RABGAP1L: variants seen among roughly 807,000 people sequenced by gnomAD.
RABGAP1L encodes the protein rab GTPase-activating protein 1-like.
Under a neutral mutation model 137.7 loss-of-function variants are expected in RABGAP1L, and 63 were observed. That is an observed-to-expected ratio of 0.46 (90% CI 0.37 to 0.56). RABGAP1L has a LOEUF of 0.56. RABGAP1L is among the 20% of genes least tolerant of loss of function. The probability of loss-of-function intolerance (pLI) is 0.00; values close to 1 mark genes in which losing one functional copy is unlikely to be tolerated. For synonymous variants in RABGAP1L, 431 were observed against 433.7 expected, an observed-to-expected ratio of 0.99 and a Z score of 0.08; for missense variants, 1,095 against 1,244.0, an observed-to-expected ratio of 0.88 and a Z score of 1.80.
At chr1:174,278,464 A>T (rs1358178779) in intron 9 of RABGAP1L, 149 bp from the exon 10 acceptor site, 1 of 604,060 alleles carries the variant, frequency 1.7e-6, no homozygotes, top group Non-Finnish European at 2.8e-6. Flanking sequence ...ATACTTATTT[A>T]ATCAAAATGT....
At chr1:174,251,346 C>T (rs1461141657) in intron 6 of RABGAP1L, among the ~76,000 whole-genome samples, 2 of 151,644 alleles carry the variant, frequency 1.3e-5, no homozygotes, top group South Asian at 2.1e-4. Flanking sequence ...GGTTTGACCA[C>T]CACTTAATTA....
intron 19 of RABGAP1L, among the ~76,000 whole-genome samples, chr1:174,838,646 T>C (rs376100022): frequency 7.2e-5 from 11 of 152,106 alleles, no homozygotes; most frequent in African/African-American, 2.4e-4. Context: ...AAAAATGACA[T>C]GGGCCGGGCG....
Position 174,240,126 on chromosome 1 carries a change from C to T in RABGAP1L, c.543-1357C>T, listed in dbSNP as rs186023320. 2.5e-3 allele frequency among the ~76,000 whole-genome samples: 381 copies of T among 152,346 alleles called. 3 individuals carry two copies. The highest frequency in any genetic ancestry group is 8.7e-3 in the African/African-American group (361 of 41,578). On this transcript the variant is annotated intron_variant, in intron 4 of 25. Transcript: ENST00000681986. ...AGAGATTTAGTGTTTTGACTTGCCT[C>T]TTTATTCCTGGGGTTGTCCCCTTAC... is the stretch of plus-strand genomic sequence containing the variant.
intron 19 of RABGAP1L, among the ~76,000 whole-genome samples, chr1:174,940,163 A>C (rs1665619199): frequency 6.6e-6 from 1 of 151,880 alleles, no homozygotes; most frequent in Non-Finnish European, 1.5e-5. Context: ...TTCCCTTTCT[A>C]CTGTCACCTT....
intron 18 of RABGAP1L, among the ~76,000 whole-genome samples, chr1:174,777,066 G>T (rs1249226685): frequency 2.0e-5 from 3 of 152,058 alleles, no homozygotes; most frequent in Admixed American, 6.5e-5. Context: ...TGCAATATTG[G>T]TTTTTTCACC....
intron 12 of RABGAP1L, among the ~76,000 whole-genome samples, chr1:174,387,215 A>G (rs963447183): frequency 6.6e-6 from 1 of 152,196 alleles, no homozygotes; most frequent in Admixed American, 6.5e-5. Context: ...TTTTCCTGTA[A>G]AACAAGTCAC....
At chr1:174,635,314 C>T (rs548546114) in intron 13 of RABGAP1L, among the ~76,000 whole-genome samples, 7 of 152,134 alleles carry the variant, frequency 4.6e-5, no homozygotes, top group African/African-American at 7.2e-5. Context: ...AATATTTCAG[C>T]AATGGCAGTA....
At chr1:174,710,793 AT>A (rs539437052) in intron 17 of RABGAP1L, among the ~76,000 whole-genome samples, 7 of 152,378 alleles carry the variant, frequency 4.6e-5, no homozygotes, top group African/African-American at 1.4e-4. Flanking sequence ...CTAGCATCAT[AT>A]GACAGTATCA....
chr1:174,278,553 T>TGAAAAGTA, intron 9 of RABGAP1L, 60 bp from the exon 10 acceptor site: 1 of 1,355,140 alleles, frequency 7.4e-7, no homozygotes, highest in Admixed American at 2.2e-5. Flanking sequence ...GAGGAAACTT[T>TGAAAAGTA]GTTTAAAGTA....
At chr1:174,358,231 A>G (rs1473132962) in intron 11 of RABGAP1L, among the ~76,000 whole-genome samples, 1 of 152,212 alleles carries the variant, frequency 6.6e-6, no homozygotes, top group African/African-American at 2.4e-5. Context: ...TTCAGAGAAC[A>G]AAGAGAAGGT....
intron 17 of RABGAP1L, among the ~76,000 whole-genome samples, chr1:174,716,526 T>C (rs995805308): frequency 6.6e-6 from 1 of 152,202 alleles, no homozygotes; most frequent in African/African-American, 2.4e-5. Flanking sequence ...AAACATACAA[T>C]ATTTAGCTAC....
At chr1:174,403,208 A>AGAGTGTGT (rs1342365552) in intron 13 of RABGAP1L, among the ~76,000 whole-genome samples, 2 of 126,676 alleles carry the variant, frequency 1.6e-5, no homozygotes, top group South Asian at 5.3e-4. Flanking sequence ...TATATATGAG[A>AGAGTGTGT]GTGTGTGTGT....
intron 18 of RABGAP1L, among the ~76,000 whole-genome samples, chr1:174,788,446 A>G (rs1687619879): frequency 6.6e-6 from 1 of 152,194 alleles, no homozygotes; most frequent in African/African-American, 2.4e-5. Context: ...TCTTTGTGGT[A>G]CTTCTTATAT....
chr1:174,231,346 G>T lies in RABGAP1L; in HGVS notation c.533G>T (p.Gly178Val), dbSNP rs368590454. 10 of 1,613,272 alleles carry T rather than the reference G, an allele frequency of 6.2e-6. No homozygotes were observed. Among genetic ancestry groups the T allele is most frequent in the Non-Finnish European group, 8.5e-6 (10 of 1,179,382 alleles). Residue 178 changes from glycine (G) to valine (V), a missense_variant, in exon 4 of 26, where the codon GGT becomes GTT. Gly to Val is a moderately radical substitution (Grantham distance 109). This residue lies in a region of RABGAP1L where 356 missense variants were observed against 326.3 expected (regional missense o/e 1.09). Coordinates refer to ENST00000681986, the MANE Select transcript of RABGAP1L (RefSeq NM_001366446.1). ...VTLYVPNVPE[G>V]SVRIIDQSSN... is the part of the protein sequence containing the mutation. ...CTGTATGTACCAAATGTTCCAGAAG[G>T]TTCTGTGAGGTAAGCTCTAATTTGT...
intron 19 of RABGAP1L, chr1:174,945,464 A>G (rs1666583463): frequency 6.6e-6 from 1 of 152,212 alleles, no homozygotes; most frequent in Non-Finnish European, 1.5e-5. Flanking sequence ...TAATTTTTGC[A>G]AAGAGGAAAA....
At chr1:174,346,434 A>G (rs774002875) in intron 11 of RABGAP1L, among the ~76,000 whole-genome samples, 3 of 152,098 alleles carry the variant, frequency 2.0e-5, no homozygotes, top group Non-Finnish European at 2.9e-5. Context: ...TTATTGGTCT[A>G]TTCAGGTTTT....
At chr1:174,859,597 C>T (rs1466843670) in intron 19 of RABGAP1L, among the ~76,000 whole-genome samples, 1 of 151,916 alleles carries the variant, frequency 6.6e-6, no homozygotes, top group Non-Finnish European at 1.5e-5. Context: ...TTATCCTTAA[C>T]AAACTAACAC....
chr1:174,906,677 T>G (rs1659143192), intron 19 of RABGAP1L, among the ~76,000 whole-genome samples: 1 of 151,740 alleles, frequency 6.6e-6, no homozygotes, highest in African/African-American at 2.4e-5. Flanking sequence ...ACTTTCCAGG[T>G]ACAAGAAAGC....
At chr1:174,548,980 T>G (rs1303324897) in intron 13 of RABGAP1L, among the ~76,000 whole-genome samples, 2 of 152,206 alleles carry the variant, frequency 1.3e-5, no homozygotes, top group Non-Finnish European at 2.9e-5. Context: ...AAAAATTTAG[T>G]GGCCGATACT....
Sources: allele counts gnomAD v4.1 joint callset (sites outside exome capture counted in the v4.1 genomes callset), GRCh38; gene constraint gnomAD v4.1.1; regional missense constraint gnomAD v4.1.1; transcripts MANE v1.5; gene names NCBI Gene and HGNC (gene_info 2026-07-23, HGNC 2026-07-21).